The following TPTE variants were observed in gnomAD, a reference collection of about 807,000 sequenced individuals.
The protein encoded by TPTE is transmembrane phosphatase with tensin homology.
Under a neutral mutation model 84.1 loss-of-function variants are expected in TPTE, and 59 were observed. The ratio of observed to expected loss-of-function variants is 0.70; its 90% CI spans 0.57 to 0.87. TPTE has a LOEUF of 0.87. Ranked by LOEUF, TPTE falls within the 40% of genes least tolerant of loss-of-function variation. TPTE has a pLI of 0.00. For missense variants in TPTE, 382 were observed against 659.6 expected (o/e 0.58, Z 4.61); for synonymous variants, 130 against 223.5 (o/e 0.58, Z 3.73).
intron 10 of TPTE, among the ~76,000 whole-genome samples, chr21:10,561,491 CAAAA>C (rs201158290): frequency 2.0e-5 from 2 of 101,038 alleles, no homozygotes; most frequent in Non-Finnish European, 2.4e-5. Context: ...GACTCCATCT[CAAAA>C]AAAAAAAAAA....
At chr21:10,542,373 GT>G in intron 5 of TPTE, 21 bp from the exon 6 acceptor site, 2 of 1,609,622 alleles carry the variant, frequency 1.2e-6, no homozygotes. Context: ...CTCTCTGACT[GT>G]TTTCTCTTAT....
chr21:10,586,147 A>G (rs1465172832), intron 17 of TPTE, among the ~76,000 whole-genome samples: 1 of 152,302 alleles, frequency 6.6e-6, no homozygotes, highest in Non-Finnish European at 1.5e-5. Context: ...ACTTCTTGAC[A>G]TGGATAATTC....
At chr21:10,537,150 T>C (rs1163902209) in intron 3 of TPTE, among the ~76,000 whole-genome samples, 2 of 152,308 alleles carry the variant, frequency 1.3e-5, no homozygotes, top group African/African-American at 4.8e-5. Context: ...AGGGGATTTG[T>C]ATATAGAAAC....
At chr21:10,568,077 T>C (rs2074963999) in intron 11 of TPTE, among the ~76,000 whole-genome samples, 1 of 152,310 alleles carries the variant, frequency 6.6e-6, no homozygotes, top group Admixed American at 6.5e-5. Context: ...CTTCTCTACA[T>C]TTTGAAGTTC....
chr21:10,600,140 C>CTTTT (rs71217979), intron 21 of TPTE, among the ~76,000 whole-genome samples: 796 of 142,078 alleles, frequency 5.6e-3, no homozygotes, highest in African/African-American at 0.02. Flanking sequence ...TTTTCTTTTT[C>CTTTT]TTTTTTTTTT....
At chr21:10,599,869 T>C in intron 21 of TPTE, among the ~76,000 whole-genome samples, 1 of 152,422 alleles carries the variant, frequency 6.6e-6, no homozygotes, top group Non-Finnish European at 1.5e-5. Context: ...CCTTTTTTTT[T>C]TTTCTTGAGC....
At chr21:10,541,327 C>T (rs1287110671) in intron 5 of TPTE, among the ~76,000 whole-genome samples, 162 bp downstream of exon 5, 9 of 152,300 alleles carry the variant, frequency 5.9e-5, no homozygotes, top group Non-Finnish European at 1.3e-4. Context: ...CAAGAACTAG[C>T]CAGGTGTGGT....
intron 14 of TPTE, among the ~76,000 whole-genome samples, chr21:10,570,762 C>T (rs2075026962): frequency 6.6e-6 from 1 of 152,312 alleles, no homozygotes; most frequent in Non-Finnish European, 1.5e-5. Flanking sequence ...ATTTATTTGG[C>T]TCATGATACT....
intron 10 of TPTE, among the ~76,000 whole-genome samples, chr21:10,565,415 A>G (rs1451053499): frequency 2.0e-5 from 3 of 152,308 alleles, no homozygotes; most frequent in African/African-American, 7.2e-5. Context: ...CAATATTGTT[A>G]AAATGTCCAT....
intron 6 of TPTE, among the ~76,000 whole-genome samples, chr21:10,543,118 T>C (rs1395148781): frequency 7.6e-6 from 1 of 131,424 alleles, no homozygotes; most frequent in Non-Finnish European, 1.5e-5. Context: ...CAAGCTCTGC[T>C]TCCCGGGTTC....
At chr21:10,566,584 G>A (rs576909432) in intron 10 of TPTE, among the ~76,000 whole-genome samples, 108 of 152,380 alleles carry the variant, frequency 7.1e-4, no homozygotes, top group African/African-American at 2.5e-3. Context: ...GTTCATAATG[G>A]CTAAGATTTG....
intron 17 of TPTE, among the ~76,000 whole-genome samples, chr21:10,582,302 C>G (rs1304951142): frequency 6.6e-6 from 1 of 152,312 alleles, no homozygotes; most frequent in Non-Finnish European, 1.5e-5. Context: ...AATTTGTAAT[C>G]CCTCTCAGTA....
chr21:10,560,693 T>C (rs531141811), intron 9 of TPTE, among the ~76,000 whole-genome samples: 8 of 152,418 alleles, frequency 5.2e-5, no homozygotes, highest in East Asian at 3.8e-4. Flanking sequence ...AAACTTCTTA[T>C]GAAATTCGCA....
intron 4 of TPTE, among the ~76,000 whole-genome samples, chr21:10,539,918 A>C (rs2074336799): frequency 6.6e-6 from 1 of 152,308 alleles, no homozygotes; most frequent in Admixed American, 6.5e-5. Flanking sequence ...CTGAGGCAGG[A>C]GAATTGCTTG....
At chr21:10,563,894 G>A (rs867234411) in intron 10 of TPTE, among the ~76,000 whole-genome samples, 1,995 of 151,320 alleles carry the variant, frequency 0.013, no homozygotes, top group African/African-American at 0.047. Context: ...GGTGGCTCAC[G>A]CCTGTAATCC....
rs369185936 is a variant in TPTE, at chr21:10,605,557, A to C, written c.*5A>C. On this transcript the variant is annotated 3_prime_UTR_variant, in exon 24 of 24. Coordinates refer to ENST00000618007, the MANE Select transcript of TPTE (RefSeq NM_199261.4). ...GTTGTAGCTGGATCCGATTAAGTAT[A>C]GCTCCCCCTTCCCCTTCTGGGAAAG... 5.0e-5 allele frequency: 81 copies of C among 1,613,796 alleles called. No homozygotes were observed. The African/African-American group carries it at 1.0e-3, about 20-fold the overall frequency.
intron 19 of TPTE, 70 bp from the exon 20 acceptor site, chr21:10,595,909 CAAA>C (rs57704808): frequency 7.2e-5 from 107 of 1,479,348 alleles, no homozygotes; most frequent in Admixed American, 3.2e-4. Context: ...AAGCTTTATG[CAAA>C]AAAAAAAAAA....
At chr21:10,572,450 CAAAAAAAA>C (rs58796102) in intron 14 of TPTE, among the ~76,000 whole-genome samples, 222 of 131,970 alleles carry the variant, frequency 1.7e-3, no homozygotes, top group African/African-American at 5.3e-3. Context: ...AGACTGTATC[CAAAAAAAA>C]AAAAAAAAAA....
intron 10 of TPTE, among the ~76,000 whole-genome samples, chr21:10,566,032 G>A (rs1303247358): frequency 6.6e-6 from 1 of 152,308 alleles, no homozygotes; most frequent in Non-Finnish European, 1.5e-5. Context: ...TTAAAAAACT[G>A]CTTCATAGCA....
Sources: allele counts gnomAD v4.1 joint callset (sites outside exome capture counted in the v4.1 genomes callset), GRCh38; gene constraint gnomAD v4.1.1; transcripts MANE v1.5; gene names NCBI Gene and HGNC (gene_info 2026-07-23, HGNC 2026-07-21).